Variants in DNER observed in about 807,000 individuals in gnomAD.
DNER encodes delta and Notch-like epidermal growth factor-related receptor.
DNER carries 33 observed loss-of-function variants against 78.2 expected under a neutral mutation model. The ratio of observed to expected loss-of-function variants is 0.42; its 90% confidence interval spans 0.32 to 0.56. The LOEUF (loss-of-function observed/expected upper bound fraction) is 0.56, where lower values mean the gene tolerates loss of function less well. DNER is among the 20% of genes least tolerant of loss of function. The pLI is 0.11. For synonymous variants in DNER, 417 were observed against 384.8 expected (o/e 1.08, Z -0.98); for missense variants, 918 against 975.3 (o/e 0.94, Z 0.78).
chr2:229,616,730 C>T (rs1453789169), intron 1 of DNER, among the ~76,000 whole-genome samples: 1 of 152,186 alleles, frequency 6.6e-6, no homozygotes, highest in East Asian at 1.9e-4. Context: ...GGCAGATCCA[C>T]CTTCTATAAT....
intron 11 of DNER, among the ~76,000 whole-genome samples, chr2:229,382,722 A>G (rs1427207836): frequency 1.3e-5 from 2 of 152,088 alleles, no homozygotes; most frequent in African/African-American, 4.8e-5. Flanking sequence ...TAGAGAAAAA[A>G]GAATGAAAAG....
At chr2:229,392,223 C>A (rs73098263) in intron 10 of DNER, among the ~76,000 whole-genome samples, 4,391 of 150,356 alleles carry the variant, frequency 0.029, 97 homozygotes, top group African/African-American at 0.059. Flanking sequence ...GAATAACTGG[C>A]ACCTGTCTTG....
At chr2:229,362,100 C>A (rs969953488) in intron 12 of DNER, among the ~76,000 whole-genome samples, 2 of 152,166 alleles carry the variant, frequency 1.3e-5, no homozygotes, top group Admixed American at 6.5e-5. Flanking sequence ...AGCTCAAATA[C>A]CCTAATGTGG....
intron 1 of DNER, among the ~76,000 whole-genome samples, chr2:229,694,627 A>G (rs776124649): frequency 1.3e-5 from 2 of 152,210 alleles, no homozygotes; most frequent in African/African-American, 2.4e-5. Context: ...TGATTGCCCT[A>G]TTGGATTTTA....
At chr2:229,381,068 GT>G (rs1206170977) in intron 11 of DNER, among the ~76,000 whole-genome samples, 5 of 152,208 alleles carry the variant, frequency 3.3e-5, no homozygotes, top group Non-Finnish European at 5.9e-5. Context: ...TCCAACTGAG[GT>G]AGCTGGCTCA....
intron 6 of DNER, among the ~76,000 whole-genome samples, chr2:229,511,340 G>T (rs1393597452): frequency 6.6e-6 from 1 of 152,202 alleles, no homozygotes; most frequent in Admixed American, 6.5e-5. Context: ...CAAAATAGCT[G>T]TGTCAAAACG....
At chr2:229,480,755 C>G (rs1433653211) in intron 6 of DNER, among the ~76,000 whole-genome samples, 1 of 152,166 alleles carries the variant, frequency 6.6e-6, no homozygotes. Context: ...GCCAATAGTT[C>G]CCTCCAATGA....
At chr2:229,404,855 A>G (rs1231308571) in intron 10 of DNER, among the ~76,000 whole-genome samples, 4 of 152,242 alleles carry the variant, frequency 2.6e-5, no homozygotes, top group Admixed American at 2.6e-4. Context: ...ATAGAGGAGA[A>G]TATTTCTAAA....
At chr2:229,385,562 T>C (rs1308746904) in intron 11 of DNER, among the ~76,000 whole-genome samples, 4 of 152,192 alleles carry the variant, frequency 2.6e-5, no homozygotes, top group Admixed American at 1.3e-4. Context: ...TGATTGTATA[T>C]TTAGAAAGCC....
chr2:229,564,913 C>T (rs1009446332), intron 4 of DNER, among the ~76,000 whole-genome samples: 1 of 152,102 alleles, frequency 6.6e-6, no homozygotes, highest in Non-Finnish European at 1.5e-5. Flanking sequence ...ACTGAGGGCC[C>T]GTTCCTGGCT....
At chr2:229,501,112 G>A (rs1460295990) in intron 6 of DNER, among the ~76,000 whole-genome samples, 1 of 152,042 alleles carries the variant, frequency 6.6e-6, no homozygotes, top group Non-Finnish European at 1.5e-5. Flanking sequence ...AGAGAGAATG[G>A]TGATTACCAG....
chr2:229,377,147 T>C (rs1035309411), intron 11 of DNER, among the ~76,000 whole-genome samples: 10 of 152,164 alleles, frequency 6.6e-5, no homozygotes, highest in African/African-American at 2.4e-4. Context: ...TTAACCTTTA[T>C]ATTCCAGAAC....
chr2:229,562,905 TTCA>T (rs1293641136), intron 4 of DNER, among the ~76,000 whole-genome samples: 1 of 151,042 alleles, frequency 6.6e-6, no homozygotes, highest in Non-Finnish European at 1.5e-5. Context: ...CATCATCAAC[TTCA>T]TCATCATCCT....
At chr2:229,692,498 T>C (rs920254260) in intron 1 of DNER, among the ~76,000 whole-genome samples, 1 of 152,262 alleles carries the variant, frequency 6.6e-6, no homozygotes, top group Non-Finnish European at 1.5e-5. Flanking sequence ...CAAGTGATTA[T>C]GCAAGTTGAT....
intron 10 of DNER, among the ~76,000 whole-genome samples, chr2:229,396,083 G>C (rs940006208): frequency 2.0e-5 from 3 of 151,870 alleles, no homozygotes; most frequent in African/African-American, 7.3e-5. Flanking sequence ...CAGTCTAAAG[G>C]GGGAAAAGAA....
At chr2:229,643,219 A>T (rs1416730464) in intron 1 of DNER, among the ~76,000 whole-genome samples, 1 of 151,964 alleles carries the variant, frequency 6.6e-6, no homozygotes, top group Non-Finnish European at 1.5e-5. Context: ...CCTGTCTCAA[A>T]AATAATAATA....
chr2:229,418,204 C>A lies in DNER; in HGVS notation c.1513G>T (p.Glu505Ter). ...GGAGCGGAGAGGCACTCATTATATT[C>A]CTCCTCACAGTAGAGGCCATGGTAA... is the stretch of plus-strand genomic sequence containing the variant. The part of the protein sequence containing the change: ...PGYHGLYCEE[E>*]YNECLSAPCL... Residue 505 changes from glutamate to a stop codon, truncating the protein, a stop_gained, in exon 9 of 13, where the codon GAA (glutamate) becomes TAA (stop). Transcript: ENST00000341772. LOFTEE classifies it high-confidence loss of function. 1 of 1,614,036 alleles carries A rather than the reference C, an allele frequency of 6.2e-7. No individual in the cohort carries two copies. Among genetic ancestry groups the A allele is most frequent in the Non-Finnish European group, 8.5e-7 (1 of 1,179,996 alleles).
intron 1 of DNER, among the ~76,000 whole-genome samples, chr2:229,693,215 C>T (rs896508580): frequency 6.6e-5 from 10 of 151,734 alleles, no homozygotes; most frequent in Admixed American, 5.3e-4. Flanking sequence ...TTCTGCTTGA[C>T]ATTTCTCCTT....
At chr2:229,513,468 G>T (rs1246427020) in intron 5 of DNER, among the ~76,000 whole-genome samples, 1 of 152,168 alleles carries the variant, frequency 6.6e-6, no homozygotes, top group Non-Finnish European at 1.5e-5. Context: ...AAAATAAAAG[G>T]AGTATAATTC....
Sources: gnomAD v4.1 joint callset for allele counts (sites outside exome capture counted in the v4.1 genomes callset) on GRCh38, gnomAD v4.1.1 for gene constraint, MANE v1.5 for transcripts, NCBI Gene and HGNC (gene_info 2026-07-23, HGNC 2026-07-21) for gene names.